The following FMN2 variants were observed in gnomAD, a reference collection of about 807,000 sequenced individuals.
The protein encoded by FMN2 is formin-2.
Under a neutral mutation model 142.3 loss-of-function variants are expected in FMN2, and 51 were observed. That is an observed-to-expected ratio of 0.36 (90% CI 0.29 to 0.45). The LOEUF is 0.45. FMN2 is among the 20% of genes least tolerant of loss of function. The probability of loss-of-function intolerance (pLI) is 1.00; values close to 1 mark genes in which losing one functional copy is unlikely to be tolerated. For missense variants in FMN2, 1,936 were observed against 2,122.8 expected (o/e 0.91, Z 1.73); for synonymous variants, 882 against 869.8 (o/e 1.01, Z -0.25).
intron 15 of FMN2, among the ~76,000 whole-genome samples, chr1:240,434,555 G>GTTTTTTT (rs57596533): frequency 6.7e-6 from 1 of 148,178 alleles, no homozygotes. Flanking sequence ...TTTGTTTTTT[G>GTTTTTTT]TTTTTTTTTG....
At chr1:240,313,140 AC>A (rs1670651195) in intron 8 of FMN2, among the ~76,000 whole-genome samples, 1 of 152,192 alleles carries the variant, frequency 6.6e-6, no homozygotes. Flanking sequence ...GGAGGTCTTT[AC>A]TAAGTGAGCT....
intron 1 of FMN2, among the ~76,000 whole-genome samples, chr1:240,107,819 C>T (rs1391474224): frequency 2.6e-5 from 4 of 151,886 alleles, no homozygotes; most frequent in African/African-American, 7.3e-5. Context: ...CATGTAGTAC[C>T]GAGAACTCTC....
intron 15 of FMN2, among the ~76,000 whole-genome samples, chr1:240,415,785 A>T (rs1674558149): frequency 6.6e-6 from 1 of 152,204 alleles, no homozygotes; most frequent in African/African-American, 2.4e-5. Context: ...GATTCATATG[A>T]GTAAGGATGT....
chr1:240,247,382 A>G (rs1391945490), intron 6 of FMN2, among the ~76,000 whole-genome samples: 2 of 151,816 alleles, frequency 1.3e-5, no homozygotes, highest in African/African-American at 4.8e-5. Context: ...CATGCCTGTA[A>G]CCTCAGCTCC....
At position 240,124,062 on chromosome 1, in the gene FMN2, A is replaced by G. The variant is rs540968449; in HGVS notation, c.1782+717A>G. On this transcript the variant is annotated intron_variant, in intron 2 of 17. Transcript: ENST00000319653. ...TATGTATATGTTGCATTTTGTTTAT[A>G]CGTTCATCCATCAATGGACATGTGG... 1.5e-4 allele frequency among the ~76,000 whole-genome samples: 23 copies of G among 152,310 alleles called. No individual in the cohort carries two copies. The South Asian group carries it at 4.6e-3, about 30-fold the overall frequency.
chr1:240,182,923 T>TC (rs1055482130), intron 3 of FMN2, among the ~76,000 whole-genome samples: 1 of 150,826 alleles, frequency 6.6e-6, no homozygotes, highest in African/African-American at 2.4e-5. Flanking sequence ...TCTTTTCTTT[T>TC]TTTTTTTTTT....
At chr1:240,227,483 G>T (rs1667352134) in intron 6 of FMN2, among the ~76,000 whole-genome samples, 1 of 152,060 alleles carries the variant, frequency 6.6e-6, no homozygotes, top group African/African-American at 2.4e-5. Context: ...AAAAATGAAG[G>T]ATCTCAGAAT....
chr1:240,206,987 T>C lies in FMN2; in HGVS notation c.2175T>C (p.Ala725=), dbSNP rs762821519. 37 of 1,613,992 alleles carry C rather than the reference T, an allele frequency of 2.3e-5. No homozygotes were observed. The South Asian group carries it at 3.7e-4, about 16-fold the overall frequency. ...CCTCAGGCGATGTCTGTCTCGAAGC[T>C]CTCAGGTTAGAAGAAAAGGAAGTAC... ...VTASGDVCLE[A]LRLEEKEVRH... Residue 725 remains alanine (A), a synonymous_variant, in exon 5 of 18, where the codon GCT becomes GCC. Transcript: ENST00000319653.
intron 2 of FMN2, among the ~76,000 whole-genome samples, chr1:240,134,414 A>G (rs531473832): frequency 2.0e-5 from 3 of 152,228 alleles, no homozygotes; most frequent in African/African-American, 7.2e-5. Flanking sequence ...GCTTGAGCCC[A>G]GGAGTATGAG....
In FMN2 at chr1:240,319,636, GA is replaced by G. The variant is rs1381378686; in HGVS notation, c.4216-9438del. Among the ~76,000 whole-genome samples the G allele has an allele frequency of 3.3e-5, 5 of 152,306 alleles. No homozygotes were observed. In the East Asian group the frequency reaches 7.7e-4, roughly 24 times the overall value. ...TGTAGACTGAAACGATGTCGTCTTGGAAGGGACTTTCCCTTATGGAAGTGAA... is the reference window on the plus strand; with the variant it reads ...TGTAGACTGAAACGATGTCGTCTTGGAGGGACTTTCCCTTATGGAAGTGAA... On this transcript the variant is annotated intron_variant, in intron 8 of 17. Coordinates refer to ENST00000319653, the MANE Select transcript of FMN2 (RefSeq NM_020066.5).
chr1:240,329,230 A>G (rs1671298317), intron 9 of FMN2, 63 bp downstream of exon 9: 1 of 1,604,296 alleles, frequency 6.2e-7, no homozygotes, highest in East Asian at 2.2e-5. Context: ...TTTTGTTTGG[A>G]AAATGCAAAT....
At chr1:240,096,816 C>A (rs1313594293) in intron 1 of FMN2, among the ~76,000 whole-genome samples, 2 of 152,182 alleles carry the variant, frequency 1.3e-5, no homozygotes, top group South Asian at 4.1e-4. Flanking sequence ...TGGCACATGT[C>A]TGTGTCTCTT....
chr1:240,118,222 A>G (rs1249098004), intron 1 of FMN2, among the ~76,000 whole-genome samples: 1 of 152,126 alleles, frequency 6.6e-6, no homozygotes, highest in Admixed American at 6.6e-5. Flanking sequence ...TTATAAAATA[A>G]TTTACTGAAA....
intron 14 of FMN2, among the ~76,000 whole-genome samples, chr1:240,367,191 C>G (rs1312123420): frequency 1.6e-4 from 24 of 152,124 alleles, no homozygotes. Context: ...TTTGAGAAAT[C>G]ATGTGTTTTC....
chr1:240,092,459 A>G lies in FMN2; in HGVS notation c.350A>G (p.Lys117Arg), dbSNP rs1661015001. The change falls in exon 1 of 18, where the codon AAG becomes AGG. Residue 117 changes from lysine (K) to arginine (R), a missense_variant. Coordinates refer to ENST00000319653, the MANE Select transcript of FMN2 (RefSeq NM_020066.5). ...GACAGCGCTCACTCCCTGCTCACCA[A>G]GACTCCAGACCTCAGCCTCTCGGCG... ...ELDSAHSLLT[K>R]TPDLSLSADE... The G allele has an allele frequency of 2.5e-6, 4 of 1,609,836 alleles. No homozygotes were observed. Among genetic ancestry groups the G allele is most frequent in the Non-Finnish European group, 3.4e-6 (4 of 1,178,258 alleles).
intron 7 of FMN2, among the ~76,000 whole-genome samples, chr1:240,263,251 C>T (rs1254719143): frequency 4.6e-5 from 7 of 152,170 alleles, no homozygotes; most frequent in African/African-American, 1.7e-4. Flanking sequence ...TTTATAGGGG[C>T]TCTCACTGTG....
At chr1:240,122,050 C>T (rs1662289280) in intron 1 of FMN2, among the ~76,000 whole-genome samples, 1 of 140,262 alleles carries the variant, frequency 7.1e-6, no homozygotes, top group East Asian at 2.0e-4. Context: ...GCGGTTTAGC[C>T]TTTTGGATCC....
intron 1 of FMN2, among the ~76,000 whole-genome samples, chr1:240,111,745 T>G (rs1661815205): frequency 6.6e-6 from 1 of 152,200 alleles, no homozygotes; most frequent in Non-Finnish European, 1.5e-5. Flanking sequence ...TGCATCCCAG[T>G]AGGTCTCGGT....
chr1:240,210,149 G>A (rs1321847906), intron 5 of FMN2, among the ~76,000 whole-genome samples: 2 of 152,196 alleles, frequency 1.3e-5, no homozygotes, highest in Non-Finnish European at 2.9e-5. Flanking sequence ...CAGGTATTCT[G>A]GTGGTACTTT....
Sources: gnomAD v4.1 joint callset for allele counts (sites outside exome capture counted in the v4.1 genomes callset) on GRCh38, gnomAD v4.1.1 for gene constraint, MANE v1.5 for transcripts, NCBI Gene and HGNC (gene_info 2026-07-23, HGNC 2026-07-21) for gene names.